The following ARIH2 variants were observed in gnomAD, a reference collection of about 807,000 sequenced individuals.
ARIH2 encodes the protein ariadne RBR E3 ubiquitin protein ligase 2, also known as E3 ubiquitin-protein ligase ARIH2.
In ARIH2, 12 loss-of-function variants were observed where a neutral mutation model predicts 79.8. The observed-to-expected ratio is 0.15, with a 90% CI of 0.10 to 0.24. ARIH2 has a LOEUF of 0.24. Ranked by LOEUF, ARIH2 falls within the 10% of genes least tolerant of loss-of-function variation. ARIH2 has a pLI of 1.00. For synonymous variants in ARIH2, 224 were observed against 213.9 expected, an observed-to-expected ratio of 1.05 and a Z score of -0.41; for missense variants, 301 against 618.3, an observed-to-expected ratio of 0.49 and a Z score of 5.44.
At chr3:48,975,756 G>A (rs2092462734) in intron 11 of ARIH2, among the ~76,000 whole-genome samples, 1 of 151,882 alleles carries the variant, frequency 6.6e-6, no homozygotes, top group East Asian at 1.9e-4. Flanking sequence ...GTAGAGATGG[G>A]GGTTTGCCAT....
intron 3 of ARIH2, among the ~76,000 whole-genome samples, chr3:48,947,691 C>T (rs1030778531): frequency 6.6e-6 from 1 of 152,060 alleles, no homozygotes; most frequent in African/African-American, 2.4e-5. Context: ...TATATTGTGA[C>T]GTATGATTAT....
chr3:48,948,805 T>A (rs1349171229), intron 3 of ARIH2, among the ~76,000 whole-genome samples: 1 of 152,252 alleles, frequency 6.6e-6, no homozygotes, highest in African/African-American at 2.4e-5. Flanking sequence ...ATACAATATG[T>A]AATCTTTTGT....
At chr3:48,972,397 CTT>C (rs2092285961) in intron 8 of ARIH2, among the ~76,000 whole-genome samples, 2 of 150,798 alleles carry the variant, frequency 1.3e-5, no homozygotes, top group South Asian at 4.2e-4. Context: ...ACCCCTGTGA[CTT>C]TAGGAGACTG....
At chr3:48,945,385 ATT>A (rs1243569794) in intron 3 of ARIH2, among the ~76,000 whole-genome samples, 3 of 152,328 alleles carry the variant, frequency 2.0e-5, no homozygotes, top group Non-Finnish European at 4.4e-5. Flanking sequence ...AGCAGGGGCT[ATT>A]TTAGCATGTG....
intron 8 of ARIH2, among the ~76,000 whole-genome samples, chr3:48,972,419 G>A (rs2092287487): frequency 8.5e-6 from 1 of 118,068 alleles, no homozygotes. Flanking sequence ...GAGGCGGGTG[G>A]ATCACCTAAG....
chr3:48,967,608 T>A (rs1199537383), intron 6 of ARIH2, among the ~76,000 whole-genome samples: 2 of 152,238 alleles, frequency 1.3e-5, no homozygotes, highest in African/African-American at 2.4e-5. Context: ...AGTTTGCTGC[T>A]ATTTAGGTAA....
At chr3:48,921,375 A>G (rs1213864530) in intron 1 of ARIH2, 2 of 140,756 alleles carry the variant, frequency 1.4e-5, no homozygotes, top group Non-Finnish European at 3.1e-5. Flanking sequence ...TTTTTGGAGG[A>G]GCCTGGAGTT....
chr3:48,968,353 G>T (rs914979361), intron 6 of ARIH2, 181 bp from the exon 7 acceptor site: 15 of 414,396 alleles, frequency 3.6e-5, no homozygotes, highest in African/African-American at 2.9e-4. Flanking sequence ...GACTACAGGC[G>T]CCCGCCACTA....
At position 48,928,069 on chromosome 3, in the gene ARIH2, A is replaced by G; in HGVS notation, c.255+256A>G. On this transcript the variant is annotated intron_variant, in intron 3 of 15. Transcript: ENST00000356401. ...GACAGATTCAAGAAAGATGTACCAT[A>G]CCAGAAATGTGTAGTAGCAGAATTG... 3 of 469,244 alleles carry G rather than the reference A, an allele frequency of 6.4e-6. No individual in the cohort carries two copies. In the South Asian group the frequency reaches 8.4e-5, roughly 13 times the overall value. 29.1% of individuals were successfully genotyped at this position (469,244 alleles called of 1,614,324 possible). A position where few individuals can be genotyped will look rare whatever the true frequency, so the allele number is the denominator to read the frequency against.
At chr3:48,959,132 C>A (rs1281026250) in intron 3 of ARIH2, among the ~76,000 whole-genome samples, 1 of 149,752 alleles carries the variant, frequency 6.7e-6, no homozygotes, top group Non-Finnish European at 1.5e-5. Flanking sequence ...CTGGCTAACA[C>A]GGTGAAACCC....
intron 2 of ARIH2, chr3:48,924,768 C>T (rs1188321293): frequency 6.6e-6 from 1 of 152,130 alleles, no homozygotes; most frequent in Non-Finnish European, 1.5e-5. Flanking sequence ...GCAATCTCTG[C>T]TCACTGCAAC....
At chr3:48,941,673 A>C (rs2088261591) in intron 3 of ARIH2, among the ~76,000 whole-genome samples, 1 of 148,686 alleles carries the variant, frequency 6.7e-6, no homozygotes, top group Admixed American at 6.7e-5. Context: ...GCTCACTGCA[A>C]GCTCCACCTC....
At position 48,960,983 on chromosome 3, in the gene ARIH2, C is replaced by T. The variant is rs535753430; in HGVS notation, c.256-629C>T. ...AAATAGAATTGCGAGCTCAATGCAC[C>T]TTCTGAGGTTCTTTAGTAGCTATAA... On this transcript the variant is annotated intron_variant, in intron 3 of 15. Coordinates refer to ENST00000356401, the MANE Select transcript of ARIH2 (RefSeq NM_006321.4). Among the ~76,000 whole-genome samples the T allele has an allele frequency of 2.0e-5, 3 of 152,210 alleles. No homozygotes were observed. The South Asian group carries it at 6.2e-4, about 32-fold the overall frequency.
chr3:48,925,490 G>A (rs2085452247), intron 2 of ARIH2, among the ~76,000 whole-genome samples: 1 of 151,406 alleles, frequency 6.6e-6, no homozygotes, highest in African/African-American at 2.4e-5. Context: ...TTGACCTCCT[G>A]GCCTCAAGGG....
chr3:48,975,933 C>G (rs1374023998), intron 11 of ARIH2, among the ~76,000 whole-genome samples: 4 of 138,478 alleles, frequency 2.9e-5, no homozygotes, highest in Non-Finnish European at 6.3e-5. Context: ...TTTTTTGAGA[C>G]AGAGTCTCAG....
chr3:48,927,460 A>G lies in ARIH2; in HGVS notation c.-97-2A>G. On this transcript the variant is annotated splice_acceptor_variant, in intron 2 of 15. Transcript: ENST00000356401. LOFTEE classifies it low-confidence loss of function (5UTR_SPLICE). ...ACACTTATTTTTTTTTTCCTCCCTT[A>G]GAAGACAAAAATACTAATGCATTTG... 6.9e-7 allele frequency: 1 copy of G among 1,445,946 alleles called. No homozygotes were observed. The highest frequency in any genetic ancestry group is 9.3e-7 in the Non-Finnish European group (1 of 1,069,758). The allele number at this position is 1,445,946 out of a possible 1,614,324, so 89.6% of individuals were successfully genotyped here.
rs2088419701 is a variant in ARIH2, at chr3:48,942,302, C to T, written c.255+14489C>T. Among the ~76,000 whole-genome samples the T allele has an allele frequency of 1.3e-5, 2 of 152,236 alleles. 1 individual carries two copies. The highest frequency in any genetic ancestry group is 4.1e-4 in the South Asian group (2 of 4,820). On this transcript the variant is annotated intron_variant, in intron 3 of 15. Coordinates refer to ENST00000356401, the MANE Select transcript of ARIH2 (RefSeq NM_006321.4). ...CTGACCTCAGGAGATCTGCCCGCTT[C>T]AGCCTCCTGAAGTGTTGGGATTACT...
At chr3:48,934,754 C>A (rs1017851699) in intron 3 of ARIH2, 62 of 985,286 alleles carry the variant, frequency 6.3e-5, no homozygotes, top group Non-Finnish European at 6.5e-5. Context: ...ACAAATGGTG[C>A]AAAGATGTCC....
chr3:48,983,709 C>T lies in ARIH2; in HGVS notation c.*439C>T, dbSNP rs1445154440. On this transcript the variant is annotated 3_prime_UTR_variant, in exon 16 of 16. Transcript: ENST00000356401. The stretch of plus-strand genomic sequence containing the variant: ...TCTAGCTGTTTTACTTAGAATGTAA[C>T]ATATGCTGCCTACCCACCTCAAAAT... 1.2e-5 allele frequency: 2 copies of T among 167,122 alleles called. No homozygotes were observed. Among genetic ancestry groups the T allele is most frequent in the African/African-American group, 4.8e-5 (2 of 41,498 alleles). The allele number at this position is 167,122 out of a possible 1,614,324, so 10.4% of individuals were successfully genotyped here.
Sources: gnomAD v4.1 joint callset for allele counts (sites outside exome capture counted in the v4.1 genomes callset) on GRCh38, gnomAD v4.1.1 for gene constraint, MANE v1.5 for transcripts, NCBI Gene and HGNC (gene_info 2026-07-23, HGNC 2026-07-21) for gene names.